Variants in GNG7 observed in about 807,000 individuals in gnomAD.
GNG7 encodes guanine nucleotide-binding protein G(I)/G(S)/G(O) subunit gamma-7.
In GNG7, 1 loss-of-function variant was observed where a neutral mutation model predicts 4.0. The observed-to-expected ratio is 0.25, with a 90% confidence interval of 0.09 to 1.18. The LOEUF (loss-of-function observed/expected upper bound fraction) is 1.18. Ranked by LOEUF, GNG7 falls within the 50% of genes most tolerant of loss-of-function variation. GNG7 has a pLI of 0.50. For missense variants in GNG7, 86 were observed against 91.9 expected (o/e 0.94, Z 0.26); for synonymous variants, 34 against 36.9 (o/e 0.92, Z 0.29).
chr19:2,551,166 G>A (rs1378390311), intron 3 of GNG7, among the ~76,000 whole-genome samples: 1 of 152,230 alleles, frequency 6.6e-6, no homozygotes, highest in Non-Finnish European at 1.5e-5. Flanking sequence ...GTGTCCCAGA[G>A]GACGGGGCTC....
At chr19:2,641,560 G>A (rs943790918) in intron 2 of GNG7, among the ~76,000 whole-genome samples, 13 of 152,246 alleles carry the variant, frequency 8.5e-5, no homozygotes, top group African/African-American at 3.1e-4. Context: ...TGGGAAATGC[G>A]GGAACCAGAT....
intron 3 of GNG7, among the ~76,000 whole-genome samples, chr19:2,527,774 A>AC (rs59937877): frequency 0.15 from 19,156 of 124,888 alleles, 1,571 homozygotes; most frequent in African/African-American, 0.32. Context: ...TTGCCAGGAA[A>AC]CCCCCCCCCC....
At chr19:2,689,208 G>C (rs1913076821) in intron 1 of GNG7, among the ~76,000 whole-genome samples, 1 of 126,918 alleles carries the variant, frequency 7.9e-6, no homozygotes, top group African/African-American at 3.4e-5. Flanking sequence ...CAAAAAAAAA[G>C]GGGGAAAAAA....
chr19:2,693,374 C>G (rs1258548423), intron 1 of GNG7, among the ~76,000 whole-genome samples: 1 of 148,648 alleles, frequency 6.7e-6, no homozygotes, highest in African/African-American at 2.5e-5. Context: ...CAAGATCACA[C>G]CACTGTACTC....
At chr19:2,565,519 A>AAAAC (rs1555694204) in intron 2 of GNG7, among the ~76,000 whole-genome samples, 50 of 144,468 alleles carry the variant, frequency 3.5e-4, no homozygotes, top group African/African-American at 1.0e-3. Context: ...CTCAAAAAAA[A>AAAAC]AAAAACAAAA....
chr19:2,597,401 A>T (rs1169786699), intron 2 of GNG7, among the ~76,000 whole-genome samples: 1 of 152,130 alleles, frequency 6.6e-6, no homozygotes, highest in Non-Finnish European at 1.5e-5. Flanking sequence ...GTTTGAGACC[A>T]GCCTGGCCAA....
chr19:2,657,241 G>A (rs1465852561), intron 1 of GNG7, among the ~76,000 whole-genome samples: 1 of 148,992 alleles, frequency 6.7e-6, no homozygotes, highest in African/African-American at 2.5e-5. Flanking sequence ...GGCTGAAGCA[G>A]GAGGATGTCT....
At chr19:2,556,010 A>T (rs1979532010) in intron 2 of GNG7, among the ~76,000 whole-genome samples, 1 of 152,158 alleles carries the variant, frequency 6.6e-6, no homozygotes, top group African/African-American at 2.4e-5. Flanking sequence ...TAAGGTCTGG[A>T]GGGAGATCCA....
intron 2 of GNG7, among the ~76,000 whole-genome samples, chr19:2,584,632 G>A (rs1301290254): frequency 1.8e-5 from 2 of 110,548 alleles, no homozygotes; most frequent in Non-Finnish European, 3.7e-5. Flanking sequence ...AGGAAGGAAG[G>A]AAGGAAGGAG....
chr19:2,514,968 CAGAG>C lies in GNG7; in HGVS notation c.*50_*53del, dbSNP rs34865250. The C allele has an allele frequency of 2.0e-3, 2,454 of 1,227,528 alleles. No individual in the cohort carries two copies. Among genetic ancestry groups the C allele is most frequent in the South Asian group, 2.8e-3 (215 of 76,132 alleles). 76.0% of individuals were successfully genotyped at this position (1,227,528 alleles called of 1,614,324 possible). A position where few individuals can be genotyped will look rare whatever the true frequency, so the allele number is the denominator to read the frequency against. ...GCCCTGCCTGAGACAGAGACAGAGA[CAGAG>C]AGAGAGAGAGAGAAAGAGAGAGAGA... On this transcript the variant is annotated 3_prime_UTR_variant, in exon 5 of 5. Transcript: ENST00000382159.
chr19:2,633,076 G>A lies in GNG7; in HGVS notation c.-78+13148C>T, dbSNP rs1206491419. Among the ~76,000 whole-genome samples the A allele has an allele frequency of 3.9e-5, 6 of 152,234 alleles. No individual in the cohort carries two copies. Among genetic ancestry groups the A allele is most frequent in the Non-Finnish European group, 7.3e-5 (5 of 68,038 alleles). On this transcript the variant is annotated intron_variant, in intron 2 of 4. Transcript: ENST00000382159. The surrounding 1 kb of genome is among the most constrained non-coding windows in gnomAD (Gnocchi z 5.9). ...CCATCTATGACACGCATCCCCAGGCGGCACCGGGAGTGTCTGCGCAGAGAT... is the reference window on the plus strand; with the variant it reads ...CCATCTATGACACGCATCCCCAGGCAGCACCGGGAGTGTCTGCGCAGAGAT...
At chr19:2,631,687 A>C (rs915929376) in intron 2 of GNG7, among the ~76,000 whole-genome samples, 6 of 152,066 alleles carry the variant, frequency 3.9e-5, no homozygotes, top group Non-Finnish European at 7.4e-5. Context: ...TGCCAATAAA[A>C]CTTCATTTAT....
intron 3 of GNG7, among the ~76,000 whole-genome samples, chr19:2,522,620 C>T (rs71339114): frequency 0.32 from 47,580 of 150,530 alleles, 7,497 homozygotes; most frequent in South Asian, 0.39. Context: ...GGCGTGGTGG[C>T]GGGTGCCTGT....
chr19:2,618,177 G>A lies in GNG7; in HGVS notation c.-78+28047C>T, dbSNP rs904586740. ...CAGTGAGTGTCGGGTCAATATTTGC[G>A]ACTGACCGACGGGTTGGCCTTCCAT... On this transcript the variant is annotated intron_variant, in intron 2 of 4. Transcript: ENST00000382159. The surrounding 1 kb of genome is among the most constrained non-coding windows in gnomAD (Gnocchi z 5.1). Among the ~76,000 whole-genome samples the A allele has an allele frequency of 7.2e-5, 11 of 152,086 alleles. No individual in the cohort carries two copies. Among genetic ancestry groups the A allele is most frequent in the African/African-American group, 2.4e-4 (10 of 41,392 alleles).
At chr19:2,697,426 G>A (rs536209177) in intron 1 of GNG7, among the ~76,000 whole-genome samples, 1 of 152,204 alleles carries the variant, frequency 6.6e-6, no homozygotes, top group South Asian at 2.1e-4. Context: ...GTGACCCCTC[G>A]GGGGCCGCTG....
rs1980877532 is a variant in GNG7 at position 2,592,642 on chromosome 19, CAGA to C, written c.-77-37457_-77-37455del. Among the ~76,000 whole-genome samples, 3 of 150,048 alleles carry C rather than the reference CAGA, an allele frequency of 2.0e-5. No individual in the cohort carries two copies. In the South Asian group the frequency reaches 6.3e-4, roughly 32 times the overall value. The stretch of plus-strand genomic sequence containing the variant: ...GTCCCAGCTACTCAGGACGTTGAGG[CAGA>C]AGGATTGCTTGAGCCCAGGAGGTCG... On this transcript the variant is annotated intron_variant, in intron 2 of 4. Transcript: ENST00000382159.
At chr19:2,655,983 C>A (rs917146781) in intron 1 of GNG7, among the ~76,000 whole-genome samples, 1 of 146,480 alleles carries the variant, frequency 6.8e-6, no homozygotes, top group African/African-American at 2.6e-5. Context: ...CAGGATCGTG[C>A]CACTGCACTC....
In GNG7 at chr19:2,513,504, T is replaced by C; in HGVS notation, c.*1518A>G. 6.1e-6 allele frequency: 6 copies of C among 985,552 alleles called. No homozygotes were observed. In the South Asian group the frequency reaches 1.4e-4, roughly 23 times the overall value. The allele number at this position is 985,552 out of a possible 1,614,324, so 61.1% of individuals were successfully genotyped here. A position where few individuals can be genotyped will look rare whatever the true frequency, so the allele number is the denominator to read the frequency against. On this transcript the variant is annotated 3_prime_UTR_variant, in exon 5 of 5. Coordinates refer to ENST00000382159, the MANE Select transcript of GNG7 (RefSeq NM_052847.3). ...TGCCGCAGAGGAGGACGCAGTCATC[T>C]TTCAGAAGCCTCCCCCCGACCCCAT... is the stretch of plus-strand genomic sequence containing the variant.
At chr19:2,521,466 G>A (rs537691016) in intron 3 of GNG7, among the ~76,000 whole-genome samples, 3 of 152,178 alleles carry the variant, frequency 2.0e-5, no homozygotes, top group Non-Finnish European at 4.4e-5. Flanking sequence ...GTTGGGTGGA[G>A]GCCAGGGACA....
Sources: allele counts gnomAD v4.1 joint callset (sites outside exome capture counted in the v4.1 genomes callset), GRCh38; gene constraint gnomAD v4.1.1; non-coding constraint Gnocchi (gnomAD v3.1); transcripts MANE v1.5; gene names NCBI Gene and HGNC (gene_info 2026-07-23, HGNC 2026-07-21).